THSD7B: variants seen among roughly 807,000 people sequenced by gnomAD.
The protein encoded by THSD7B is thrombospondin type 1 domain containing 7B, also known as thrombospondin type-1 domain-containing protein 7B.
Under a neutral mutation model 213.6 loss-of-function variants are expected in THSD7B, and 138 were observed. The ratio of observed to expected loss-of-function variants is 0.65; its 90% confidence interval spans 0.56 to 0.74. THSD7B has a LOEUF of 0.74. Among genes scored for constraint, THSD7B ranks in the 30% least tolerant of loss-of-function variants. THSD7B has a pLI of 0.00. For missense variants in THSD7B, 1,931 were observed against 1,991.5 expected (o/e 0.97, Z 0.58); for synonymous variants, 742 against 687.0 (o/e 1.08, Z -1.25).
intron 2 of THSD7B, among the ~76,000 whole-genome samples, chr2:136,888,520 A>C (rs1429108319): frequency 1.3e-5 from 2 of 152,116 alleles, no homozygotes; most frequent in African/African-American, 4.8e-5. Flanking sequence ...AATATGTGCT[A>C]GAAGTTCATG....
At chr2:137,561,793 C>A (rs1343043634) in intron 15 of THSD7B, among the ~76,000 whole-genome samples, 1 of 152,156 alleles carries the variant, frequency 6.6e-6, no homozygotes, top group Non-Finnish European at 1.5e-5. Flanking sequence ...CTGACCCTTT[C>A]ATTCCATTCT....
At chr2:136,785,444 C>T (rs1209345595) in intron 1 of THSD7B, among the ~76,000 whole-genome samples, 3 of 135,788 alleles carry the variant, frequency 2.2e-5, no homozygotes, top group Non-Finnish European at 4.7e-5. Context: ...GAGATGAGGG[C>T]GCAGGGGCCA....
intron 12 of THSD7B, among the ~76,000 whole-genome samples, chr2:137,383,220 C>T (rs1348877914): frequency 6.6e-6 from 1 of 152,172 alleles, no homozygotes; most frequent in Non-Finnish European, 1.5e-5. Context: ...TTGTTGCCTG[C>T]CCCAGTGCCC....
At chr2:137,350,117 G>A (rs979603757) in intron 12 of THSD7B, among the ~76,000 whole-genome samples, 5 of 151,808 alleles carry the variant, frequency 3.3e-5, no homozygotes, top group African/African-American at 1.2e-4. Flanking sequence ...TACAGCAGAA[G>A]ATACATGCTT....
At chr2:136,802,081 G>A (rs1391277981) in intron 1 of THSD7B, among the ~76,000 whole-genome samples, 2 of 152,032 alleles carry the variant, frequency 1.3e-5, no homozygotes, top group Non-Finnish European at 2.9e-5. Flanking sequence ...CTGAATCATT[G>A]TAAGTTGGAT....
chr2:137,228,400 A>C (rs1681562755), intron 7 of THSD7B, among the ~76,000 whole-genome samples: 1 of 152,160 alleles, frequency 6.6e-6, no homozygotes, highest in Admixed American at 6.5e-5. Flanking sequence ...GAATACTGAC[A>C]ACAATGAATG....
At chr2:137,258,613 C>T (rs1410289178) in intron 10 of THSD7B, among the ~76,000 whole-genome samples, 1 of 152,094 alleles carries the variant, frequency 6.6e-6, no homozygotes, top group South Asian at 2.1e-4. Context: ...CCCTGCCCCC[C>T]ACCCGCCACA....
At chr2:136,809,374 T>C (rs1164279226) in intron 1 of THSD7B, among the ~76,000 whole-genome samples, 1 of 151,606 alleles carries the variant, frequency 6.6e-6, no homozygotes, top group Non-Finnish European at 1.5e-5. Context: ...TGAGGAGGAG[T>C]GAGGAGCCCA....
At chr2:137,248,956 T>C (rs1475994836) in intron 10 of THSD7B, among the ~76,000 whole-genome samples, 2 of 152,154 alleles carry the variant, frequency 1.3e-5, no homozygotes, top group Admixed American at 1.3e-4. Flanking sequence ...GATACATGAG[T>C]GCAGGTATCT....
At chr2:137,169,837 AATTGTGC>A (rs1302736820) in intron 6 of THSD7B, among the ~76,000 whole-genome samples, 1 of 152,140 alleles carries the variant, frequency 6.6e-6, no homozygotes, top group African/African-American at 2.4e-5. Flanking sequence ...GTTTTTTAAA[AATTGTGC>A]ATTAGTTTTT....
chr2:137,387,524 C>T (rs1363152694), intron 12 of THSD7B, among the ~76,000 whole-genome samples: 1 of 152,106 alleles, frequency 6.6e-6, no homozygotes, highest in Non-Finnish European at 1.5e-5. Flanking sequence ...AATTGTCCCT[C>T]CCCTTAAACA....
chr2:137,642,259 C>T (rs1682953098), intron 20 of THSD7B: 6 of 466,886 alleles, frequency 1.3e-5, no homozygotes, highest in Non-Finnish European at 2.3e-5. Flanking sequence ...ACTTTGAAGA[C>T]TAAAAGAAGT....
intron 1 of THSD7B, among the ~76,000 whole-genome samples, chr2:136,876,975 C>T (rs1683535002): frequency 6.6e-6 from 1 of 152,128 alleles, no homozygotes; most frequent in Non-Finnish European, 1.5e-5. Context: ...GGCACTGTCT[C>T]CTCTTCTGGA....
At chr2:137,218,351 A>G (rs1305846377) in intron 7 of THSD7B, among the ~76,000 whole-genome samples, 1 of 152,128 alleles carries the variant, frequency 6.6e-6, no homozygotes, top group Admixed American at 6.5e-5. Flanking sequence ...TTTTTGAAAC[A>G]TTTGCTTAAG....
At chr2:137,370,457 A>G (rs1295160411) in intron 12 of THSD7B, among the ~76,000 whole-genome samples, 1 of 151,826 alleles carries the variant, frequency 6.6e-6, no homozygotes, top group Non-Finnish European at 1.5e-5. Context: ...TTGCTTCCCC[A>G]CTCTGAATGA....
intron 21 of THSD7B, among the ~76,000 whole-genome samples, chr2:137,644,920 C>T (rs1285430856): frequency 2.0e-5 from 3 of 152,142 alleles, no homozygotes; most frequent in Non-Finnish European, 4.4e-5. Flanking sequence ...AGTATTTATC[C>T]TCAGGCATCA....
At chr2:136,954,649 G>A (rs547178011) in intron 2 of THSD7B, among the ~76,000 whole-genome samples, 3 of 149,472 alleles carry the variant, frequency 2.0e-5, no homozygotes, top group African/African-American at 4.9e-5. Context: ...CCCGGGGAGC[G>A]GAGACTGCAG....
At chr2:137,533,934 A>G (rs1005050146) in intron 15 of THSD7B, among the ~76,000 whole-genome samples, 1 of 151,676 alleles carries the variant, frequency 6.6e-6, no homozygotes, top group Non-Finnish European at 1.5e-5. Flanking sequence ...TTCTCTCTGT[A>G]ATATTGGTTG....
At chr2:136,788,122 G>A (rs1051418576) in intron 1 of THSD7B, among the ~76,000 whole-genome samples, 3 of 152,192 alleles carry the variant, frequency 2.0e-5, no homozygotes, top group Non-Finnish European at 4.4e-5. Context: ...GTTCAGCTAC[G>A]CATAGTTGAC....
Sources: gnomAD v4.1 joint callset for allele counts (sites outside exome capture counted in the v4.1 genomes callset) on GRCh38, gnomAD v4.1.1 for gene constraint, MANE v1.5 for transcripts, NCBI Gene and HGNC (gene_info 2026-07-23, HGNC 2026-07-21) for gene names.